IQGAP2: variants seen among roughly 807,000 people sequenced by gnomAD.
IQGAP2 encodes the protein IQ motif containing GTPase activating protein 2, also known as ras GTPase-activating-like protein IQGAP2.
IQGAP2 carries 173 observed loss-of-function variants against 201.3 expected under a neutral mutation model. The ratio of observed to expected loss-of-function variants is 0.86; its 90% CI spans 0.76 to 0.98. IQGAP2 has a LOEUF of 0.98. IQGAP2 is among the 50% of genes least tolerant of loss of function. The pLI is 0.00. For synonymous variants in IQGAP2, 675 were observed against 673.9 expected (o/e 1.00, Z -0.03); for missense variants, 1,687 against 1,864.8 (o/e 0.90, Z 1.76).
intron 2 of IQGAP2, among the ~76,000 whole-genome samples, chr5:76,511,990 T>A (rs925207943): frequency 2.0e-5 from 3 of 152,192 alleles, no homozygotes; most frequent in African/African-American, 7.2e-5. Context: ...TTAAATGAGT[T>A]TTATACAGAC....
chr5:76,495,957 C>G (rs1464200387), intron 2 of IQGAP2, among the ~76,000 whole-genome samples: 1 of 152,180 alleles, frequency 6.6e-6, no homozygotes, highest in Non-Finnish European at 1.5e-5. Flanking sequence ...GACAGACATC[C>G]AAACCGTATC....
At chr5:76,505,807 T>A (rs1427179792) in intron 2 of IQGAP2, among the ~76,000 whole-genome samples, 2 of 152,208 alleles carry the variant, frequency 1.3e-5, no homozygotes, top group Non-Finnish European at 2.9e-5. Context: ...AAGAAACTTT[T>A]ACTTAGCACC....
chr5:76,627,269 GTACAGTA>G, intron 13 of IQGAP2, 134 bp from the exon 14 acceptor site: 1 of 686,528 alleles, frequency 1.5e-6, no homozygotes, highest in South Asian at 1.7e-5. Flanking sequence ...TTAGGAGTGT[GTACAGTA>G]TATGGCAGAG....
chr5:76,524,064 G>T (rs951213432), intron 2 of IQGAP2, among the ~76,000 whole-genome samples: 1 of 152,170 alleles, frequency 6.6e-6, no homozygotes, highest in Non-Finnish European at 1.5e-5. Context: ...GGCATGTGCT[G>T]TGAGATGTGT....
At chr5:76,573,859 C>A (rs994785522) in intron 4 of IQGAP2, among the ~76,000 whole-genome samples, 1 of 151,190 alleles carries the variant, frequency 6.6e-6, no homozygotes, top group African/African-American at 2.4e-5. Flanking sequence ...CCTGACCTCA[C>A]GTGATCTACC....
chr5:76,500,130 AT>A (rs1189110180), intron 2 of IQGAP2, among the ~76,000 whole-genome samples: 2 of 152,170 alleles, frequency 1.3e-5, no homozygotes, highest in Non-Finnish European at 2.9e-5. Context: ...GAATGAATAA[AT>A]AAATAAAATC....
chr5:76,632,079 G>A (rs1331279320), intron 15 of IQGAP2, 53 bp downstream of exon 15: 19 of 1,389,912 alleles, frequency 1.4e-5, no homozygotes, highest in Non-Finnish European at 1.9e-5. Flanking sequence ...TATCATTTCT[G>A]TGGTATTATA....
intron 1 of IQGAP2, among the ~76,000 whole-genome samples, chr5:76,455,594 T>C (rs1315676073): frequency 8.1e-6 from 1 of 124,000 alleles, no homozygotes; most frequent in Non-Finnish European, 1.8e-5. Flanking sequence ...CCTGATGCCA[T>C]GTACATTGAA....
chr5:76,695,236 A>G (rs940528457), intron 31 of IQGAP2, among the ~76,000 whole-genome samples: 1 of 152,230 alleles, frequency 6.6e-6, no homozygotes, highest in African/African-American at 2.4e-5. Flanking sequence ...TAAAGTAGCT[A>G]TTGAGAATTT....
intron 1 of IQGAP2, among the ~76,000 whole-genome samples, chr5:76,451,004 A>G (rs572001868): frequency 4.6e-5 from 7 of 152,290 alleles, no homozygotes; most frequent in African/African-American, 1.7e-4. Flanking sequence ...TCAACATCAT[A>G]GTCTTCTAAT....
intron 3 of IQGAP2, among the ~76,000 whole-genome samples, chr5:76,569,470 G>A (rs1744964334): frequency 6.6e-6 from 1 of 151,994 alleles, no homozygotes; most frequent in African/African-American, 2.4e-5. Context: ...CTTTCAGGGT[G>A]TTTTGAAAAT....
chr5:76,597,195 G>A lies in IQGAP2; in HGVS notation c.908-244G>A, dbSNP rs963237821. On this transcript the variant is annotated intron_variant, in intron 9 of 35. Transcript: ENST00000274364. ...TTTTGGAAGGAAGTCATGCTACTCAGGAATGATCTCATACCCTAAGCTCCA... is the reference window on the plus strand; with the variant it reads ...TTTTGGAAGGAAGTCATGCTACTCAAGAATGATCTCATACCCTAAGCTCCA... The A allele has an allele frequency of 5.8e-5, 29 of 502,200 alleles. 1 individual carries two copies. Among genetic ancestry groups the A allele is most frequent in the Non-Finnish European group, 2.5e-5 (7 of 279,758 alleles). 31.1% of individuals were successfully genotyped at this position (502,200 alleles called of 1,614,324 possible).
intron 2 of IQGAP2, among the ~76,000 whole-genome samples, chr5:76,469,181 A>G (rs56853930): frequency 3.5e-4 from 54 of 152,330 alleles, no homozygotes; most frequent in African/African-American, 1.1e-3. Context: ...TTTGTGACCC[A>G]GTAAGTTATG....
At chr5:76,446,258 G>A (rs1001032609) in intron 1 of IQGAP2, among the ~76,000 whole-genome samples, 17 of 152,054 alleles carry the variant, frequency 1.1e-4, no homozygotes, top group African/African-American at 4.1e-4. Flanking sequence ...TTGCAGAATT[G>A]CTGTACTGCT....
rs76979655 is a variant in IQGAP2 at position 76,671,897 on chromosome 5, C to T, written c.2982C>T (p.Asp994=). The T allele has an allele frequency of 8.7e-3, 14,075 of 1,614,014 alleles. 86 individuals are homozygous for T. The highest frequency in any genetic ancestry group is 9.5e-3 in the Non-Finnish European group (11,167 of 1,179,962). ...LLAPVVKEII[D]DKSLIINTNP... is the part of the protein sequence containing the mutation. Reference sequence around the variant, plus strand: ...CTCCAGTGGTAAAAGAGATCATCGACGACAAGTCGCTGATTATCAACACAA... The same window carrying T: ...CTCCAGTGGTAAAAGAGATCATCGATGACAAGTCGCTGATTATCAACACAA... The change falls in exon 24 of 36, where the codon GAC becomes GAT. Residue 994 remains aspartate (D), a synonymous_variant. Coordinates refer to ENST00000274364, the MANE Select transcript of IQGAP2 (RefSeq NM_006633.5).
intron 30 of IQGAP2, among the ~76,000 whole-genome samples, chr5:76,693,008 C>T (rs893369427): frequency 1.3e-5 from 2 of 152,196 alleles, no homozygotes; most frequent in Non-Finnish European, 2.9e-5. Flanking sequence ...CAGTAGCAGG[C>T]CATATCAGCA....
Position 76,590,356 on chromosome 5 carries a change from T to G in IQGAP2, c.641-52T>G, listed in dbSNP as rs1424521134. On this transcript the variant is annotated intron_variant, in intron 7 of 35. Coordinates refer to ENST00000274364, the MANE Select transcript of IQGAP2 (RefSeq NM_006633.5). ...TACACAGGGTCAATGCAACTGTCCA[T>G]GTTGTCTTTTGCTGATAAAAACCTT... is the stretch of plus-strand genomic sequence containing the variant. 3.6e-6 allele frequency: 5 copies of G among 1,408,080 alleles called. No individual in the cohort carries two copies. In the African/African-American group the frequency reaches 5.8e-5, roughly 16 times the overall value. The allele number at this position is 1,408,080 out of a possible 1,614,324, so 87.2% of individuals were successfully genotyped here.
chr5:76,517,184 A>G (rs1056558034), intron 2 of IQGAP2, among the ~76,000 whole-genome samples: 1 of 152,256 alleles, frequency 6.6e-6, no homozygotes, highest in African/African-American at 2.4e-5. Context: ...AAGGAAGTAC[A>G]TTCAGGATCT....
chr5:76,654,349 T>C (rs1029999921), intron 19 of IQGAP2, 78 bp downstream of exon 19: 2 of 902,972 alleles, frequency 2.2e-6, no homozygotes, highest in Non-Finnish European at 3.5e-6. Context: ...TAGCATTGAA[T>C]GATTTTTATT....
Sources: gnomAD v4.1 joint callset for allele counts (sites outside exome capture counted in the v4.1 genomes callset) on GRCh38, gnomAD v4.1.1 for gene constraint, MANE v1.5 for transcripts, NCBI Gene and HGNC (gene_info 2026-07-23, HGNC 2026-07-21) for gene names.